Variants in PAK1IP1 observed in about 807,000 individuals in gnomAD.
The protein encoded by PAK1IP1 is PAK1 interacting protein 1.
Under a neutral mutation model 42.0 loss-of-function variants are expected in PAK1IP1, and 24 were observed. The observed-to-expected ratio is 0.57, with a 90% CI of 0.41 to 0.80. The LOEUF (loss-of-function observed/expected upper bound fraction) is 0.80, where lower values mean the gene tolerates loss of function less well. PAK1IP1 is among the 30% of genes least tolerant of loss of function. The pLI, the probability that PAK1IP1 is intolerant of heterozygous loss-of-function variation, is 0.00. For synonymous variants in PAK1IP1, 154 were observed against 156.7 expected, an observed-to-expected ratio of 0.98 and a Z score of 0.13; for missense variants, 411 against 467.9, an observed-to-expected ratio of 0.88 and a Z score of 1.12.
chr6:10,691,385 TTGAC>T (rs541032192), upstream of PAK1IP1, among the ~76,000 whole-genome samples: 92 of 152,076 alleles, frequency 6.0e-4, no homozygotes, highest in African/African-American at 2.0e-3. Flanking sequence ...AGGGTCGTGA[TTGAC>T]TGAGCAAGCG....
intron 7 of PAK1IP1, 46 bp downstream of exon 7, chr6:10,704,890 G>C (rs763696004): frequency 8.8e-7 from 1 of 1,136,564 alleles, no homozygotes; most frequent in Non-Finnish European, 1.3e-6. Context: ...TTAATAAAAG[G>C]TATATATGCA....
chr6:10,709,241 G>A lies in PAK1IP1; in HGVS notation c.968G>A (p.Ser323Asn). The A allele has an allele frequency of 6.2e-7, 1 of 1,607,234 alleles. No individual in the cohort carries two copies. Among genetic ancestry groups the A allele is most frequent in the Non-Finnish European group, 8.5e-7 (1 of 1,177,774 alleles). The change falls in exon 10 of 10, where the codon AGT (serine) becomes AAT (asparagine). Residue 323 changes from serine (S) to asparagine (N), a missense_variant. By Grantham distance (46) the Ser-to-Asn change is conservative. Transcript: ENST00000379568. ...LPPAAEPSPV[S>N]KEQSKIGKKE... ...AGCACTCTCTTTTGTGTTTTAGTAA[G>A]TAAAGAACAGTCCAAAATTGGCAAA...
At chr6:10,698,428 A>G (rs1279372936) in intron 2 of PAK1IP1, among the ~76,000 whole-genome samples, 1 of 152,262 alleles carries the variant, frequency 6.6e-6, no homozygotes, top group Non-Finnish European at 1.5e-5. Flanking sequence ...CAAACACTGG[A>G]ACTAGAACTT....
Position 10,702,447 on chromosome 6 carries a change from A to T in PAK1IP1, c.326A>T (p.Asp109Val), listed in dbSNP as rs1398190019. The T allele has an allele frequency of 3.1e-6, 5 of 1,613,912 alleles. No individual in the cohort carries two copies. The highest frequency in any genetic ancestry group is 2.7e-5 in the African/African-American group (2 of 74,922). Residue 109 changes from aspartate to valine, a missense_variant, in exon 3 of 10, where the codon GAT (aspartate) becomes GTT (valine). Physicochemically the swap from Asp to Val is radical, Grantham distance 152. Coordinates refer to ENST00000379568, the MANE Select transcript of PAK1IP1 (RefSeq NM_017906.3). ...GAAGATGGACTCATCTGTATCTGGGATGCAAAGAAATGGGAATGCCTGAAG... is the reference window on the plus strand; with the variant it reads ...GAAGATGGACTCATCTGTATCTGGGTTGCAAAGAAATGGGAATGCCTGAAG... ...GAEDGLICIW[D>V]AKKWECLKSI...
chr6:10,701,140 G>GA (rs1261698593), intron 2 of PAK1IP1, among the ~76,000 whole-genome samples: 1 of 152,078 alleles, frequency 6.6e-6, no homozygotes, highest in African/African-American at 2.4e-5. Flanking sequence ...TGCAGTGGCA[G>GA]AGCTCGGCTC....
At chr6:10,697,847 C>T (rs1240760643) in intron 2 of PAK1IP1, among the ~76,000 whole-genome samples, 1 of 150,748 alleles carries the variant, frequency 6.6e-6, no homozygotes, top group Non-Finnish European at 1.5e-5. Context: ...GCTGAGATCA[C>T]GCCACTGCAT....
chr6:10,704,499 A>G lies in PAK1IP1; in HGVS notation c.497-8A>G, dbSNP rs763337375. ...AAATAAATAAACTTCGTTTTTTTCC[A>G]CTTACAGATGCTCACATAGTAGAAT... On this transcript the variant is annotated splice_polypyrimidine_tract_variant and splice_region_variant and intron_variant, in intron 5 of 9. Coordinates refer to ENST00000379568, the MANE Select transcript of PAK1IP1 (RefSeq NM_017906.3). 2 of 1,531,610 alleles carry G rather than the reference A, an allele frequency of 1.3e-6. No individual in the cohort carries two copies. The highest frequency in any genetic ancestry group is 1.2e-5 in the South Asian group (1 of 81,530). The allele number at this position is 1,531,610 out of a possible 1,614,324, so 94.9% of individuals were successfully genotyped here.
intron 2 of PAK1IP1, among the ~76,000 whole-genome samples, chr6:10,699,435 G>T (rs1769961953): frequency 6.6e-6 from 1 of 152,100 alleles, no homozygotes; most frequent in African/African-American, 2.4e-5. Flanking sequence ...AAATGCAGGG[G>T]AGGCAAAGGT....
intron 8 of PAK1IP1, among the ~76,000 whole-genome samples, chr6:10,707,978 T>TCTCTTTCCAAG (rs1317539342): frequency 6.6e-6 from 1 of 152,104 alleles, no homozygotes; most frequent in Non-Finnish European, 1.5e-5. Context: ...TTGTTGAATG[T>TCTCTTTCCAAG]CTCTTTCCAA....
chr6:10,707,658 T>TA, intron 8 of PAK1IP1, 144 bp downstream of exon 8: 1 of 556,476 alleles, frequency 1.8e-6, no homozygotes. Context: ...GGTTTTAAAA[T>TA]TAGGGTTCCC....
At chr6:10,693,355 T>C (rs143762427), upstream of PAK1IP1, among the ~76,000 whole-genome samples, 6 of 152,386 alleles carry the variant, frequency 3.9e-5, no homozygotes, top group Admixed American at 6.5e-5. Context: ...TTTGTCTCCA[T>C]GCTGACTTTT....
At chr6:10,698,924 GGC>G (rs1769940911) in intron 2 of PAK1IP1, among the ~76,000 whole-genome samples, 1 of 152,196 alleles carries the variant, frequency 6.6e-6, no homozygotes, top group Non-Finnish European at 1.5e-5. Flanking sequence ...TCAAAGGCCA[GGC>G]GCGGTGGCTC....
chr6:10,691,364 G>A (rs1374425850), upstream of PAK1IP1, among the ~76,000 whole-genome samples: 1 of 152,120 alleles, frequency 6.6e-6, no homozygotes, highest in African/African-American at 2.4e-5. Context: ...CTCTAAGGAG[G>A]TCCGTGTGAG....
chr6:10,700,633 AAAG>A (rs1207589648), intron 2 of PAK1IP1, among the ~76,000 whole-genome samples: 4 of 152,132 alleles, frequency 2.6e-5, no homozygotes, highest in African/African-American at 9.7e-5. Context: ...AGTTTGTTAC[AAAG>A]AAGGCTTCTC....
At chr6:10,704,874 C>G (rs774022524) in intron 7 of PAK1IP1, 30 bp downstream of exon 7, 2 of 1,325,288 alleles carry the variant, frequency 1.5e-6, no homozygotes, top group Non-Finnish European at 2.2e-6. Flanking sequence ...GTGTATATGT[C>G]TAGTCTTAAT....
chr6:10,708,701 G>T (rs1046433026), intron 8 of PAK1IP1, among the ~76,000 whole-genome samples: 1 of 151,530 alleles, frequency 6.6e-6, no homozygotes, highest in Non-Finnish European at 1.5e-5. Flanking sequence ...CCCACAACAG[G>T]CCCTGGTGTG....
chr6:10,694,128 C>T (rs984243915), upstream of PAK1IP1, among the ~76,000 whole-genome samples: 1 of 151,914 alleles, frequency 6.6e-6, no homozygotes, highest in Non-Finnish European at 1.5e-5. Flanking sequence ...GGCGTGGTGG[C>T]GTATGCCTGT....
At chr6:10,709,208 T>C (rs1770304413) in intron 9 of PAK1IP1, 30 bp from the exon 10 acceptor site, 1 of 1,574,886 alleles carries the variant, frequency 6.3e-7, no homozygotes. Flanking sequence ...AAACAGTCTT[T>C]TTTTAAAAGC....
intron 4 of PAK1IP1, 82 bp from the exon 5 acceptor site, chr6:10,703,321 CTT>C: frequency 1.0e-6 from 1 of 965,336 alleles, no homozygotes; most frequent in Non-Finnish European, 1.6e-6. Context: ...TAAAATGTCA[CTT>C]AAGTCTTCAT....
Sources: allele counts gnomAD v4.1 joint callset (sites outside exome capture counted in the v4.1 genomes callset), GRCh38; gene constraint gnomAD v4.1.1; transcripts MANE v1.5; gene names NCBI Gene and HGNC (gene_info 2026-07-23, HGNC 2026-07-21).